CSMD1: variants seen among roughly 807,000 people sequenced by gnomAD.
CSMD1 encodes CUB and sushi domain-containing protein 1.
CSMD1 carries 213 observed loss-of-function variants against 417.5 expected under a neutral mutation model. The ratio of observed to expected loss-of-function variants is 0.51; its 90% CI spans 0.46 to 0.57. The LOEUF is 0.57. Ranked by LOEUF, CSMD1 falls within the 20% of genes least tolerant of loss-of-function variation. The pLI, the probability that CSMD1 is intolerant of heterozygous loss-of-function variation, is 0.00. For synonymous variants in CSMD1, 2,862 were observed against 1,736.8 expected (o/e 1.65, Z -16.11); for missense variants, 6,923 against 4,529.7 (o/e 1.53, Z -15.17).
At chr8:4,923,649 C>A (rs930048240) in intron 1 of CSMD1, among the ~76,000 whole-genome samples, 1 of 152,184 alleles carries the variant, frequency 6.6e-6, no homozygotes, top group African/African-American at 2.4e-5. Flanking sequence ...TTCCTGCACT[C>A]ACATGTTCTC....
intron 3 of CSMD1, among the ~76,000 whole-genome samples, chr8:4,183,630 A>C (rs760007499): frequency 2.0e-5 from 3 of 152,240 alleles, no homozygotes; most frequent in Non-Finnish European, 4.4e-5. Context: ...TGTCAAATTG[A>C]TAAGCACAAT....
At chr8:4,700,767 A>G (rs1297872178) in intron 1 of CSMD1, among the ~76,000 whole-genome samples, 1 of 152,224 alleles carries the variant, frequency 6.6e-6, no homozygotes, top group East Asian at 1.9e-4. Context: ...GCTGCAATAA[A>G]AATGGTTAAC....
chr8:3,585,166 G>C (rs1352768140), intron 9 of CSMD1, among the ~76,000 whole-genome samples: 3 of 152,102 alleles, frequency 2.0e-5, no homozygotes, highest in African/African-American at 7.3e-5. Context: ...ACAGTAAATG[G>C]GGCCAAAGAG....
intron 21 of CSMD1, among the ~76,000 whole-genome samples, chr8:3,352,249 A>G (rs1391006627): frequency 1.3e-5 from 2 of 152,170 alleles, no homozygotes; most frequent in African/African-American, 4.8e-5. Context: ...GGAGCATCAC[A>G]TGAAGGAACT....
chr8:3,723,490 G>A (rs545287986), intron 6 of CSMD1, among the ~76,000 whole-genome samples: 5 of 152,240 alleles, frequency 3.3e-5, no homozygotes, highest in Admixed American at 2.0e-4. Flanking sequence ...ATTCTCTTCA[G>A]ATATTCCGAA....
chr8:3,937,666 G>C (rs567402774), intron 5 of CSMD1, among the ~76,000 whole-genome samples: 2 of 152,224 alleles, frequency 1.3e-5, no homozygotes, highest in South Asian at 2.1e-4. Context: ...CAATATCTCT[G>C]AAGTACGGCT....
intron 5 of CSMD1, among the ~76,000 whole-genome samples, chr8:3,837,415 G>C (rs1222424223): frequency 1.3e-5 from 2 of 152,094 alleles, no homozygotes; most frequent in East Asian, 1.9e-4. Flanking sequence ...GATCTCAAAG[G>C]ACTGCCTACG....
At chr8:3,854,648 C>G (rs995322006) in intron 5 of CSMD1, among the ~76,000 whole-genome samples, 1 of 151,394 alleles carries the variant, frequency 6.6e-6, no homozygotes, top group Non-Finnish European at 1.5e-5. Flanking sequence ...GATATAGAAT[C>G]TGGACAATGT....
At chr8:3,818,595 G>C (rs1057304309) in intron 5 of CSMD1, among the ~76,000 whole-genome samples, 1 of 151,902 alleles carries the variant, frequency 6.6e-6, no homozygotes, top group Non-Finnish European at 1.5e-5. Context: ...AATGAGAAGT[G>C]CTAGAAAAGG....
At chr8:3,645,459 G>C (rs1298096357) in intron 7 of CSMD1, among the ~76,000 whole-genome samples, 1 of 152,172 alleles carries the variant, frequency 6.6e-6, no homozygotes. Context: ...CCTTAAAGCA[G>C]ACATTTACTA....
intron 6 of CSMD1, among the ~76,000 whole-genome samples, chr8:3,734,858 G>A (rs1994048): frequency 0.62 from 94,013 of 152,018 alleles, 30,688 homozygotes; most frequent in Non-Finnish European, 0.72. Flanking sequence ...TTCATCTAAT[G>A]CCGCTGATGC....
chr8:3,508,682 A>G (rs1796937062), intron 10 of CSMD1, among the ~76,000 whole-genome samples: 1 of 152,194 alleles, frequency 6.6e-6, no homozygotes, highest in African/African-American at 2.4e-5. Context: ...CTTATCTATT[A>G]TGGAAAATTT....
chr8:4,566,390 A>C (rs1046381037), intron 2 of CSMD1, among the ~76,000 whole-genome samples: 2 of 151,926 alleles, frequency 1.3e-5, no homozygotes, highest in South Asian at 2.1e-4. Context: ...GTGGTGGCTC[A>C]TGCCTGTAAT....
rs190323792 is a variant in CSMD1 at position 3,381,142 on chromosome 8, C to T, written c.2782+6352G>A. On this transcript the variant is annotated intron_variant, in intron 18 of 69. Coordinates refer to ENST00000635120, the MANE Select transcript of CSMD1 (RefSeq NM_033225.6). The stretch of plus-strand genomic sequence containing the variant: ...TGACTGTGCTATGATGAACAGGGTG[C>T]GTTCACCCATCACCTTACATTCAGA... 1.2e-3 allele frequency among the ~76,000 whole-genome samples: 179 copies of T among 152,108 alleles called. 1 individual carries two copies. The highest frequency in any genetic ancestry group is 3.9e-3 in the African/African-American group (160 of 41,492).
intron 8 of CSMD1, among the ~76,000 whole-genome samples, chr8:3,590,595 C>T (rs971165766): frequency 6.6e-6 from 1 of 152,106 alleles, no homozygotes; most frequent in Non-Finnish European, 1.5e-5. Flanking sequence ...TCCATAATTA[C>T]GATCATGAAA....
At chr8:3,279,627 A>C (rs1409515151) in intron 26 of CSMD1, among the ~76,000 whole-genome samples, 1 of 152,198 alleles carries the variant, frequency 6.6e-6, no homozygotes, top group Non-Finnish European at 1.5e-5. Flanking sequence ...TAATAAAAAC[A>C]TACCTGAGAC....
intron 3 of CSMD1, among the ~76,000 whole-genome samples, chr8:4,052,803 A>G (rs1472772467): frequency 6.6e-6 from 1 of 152,142 alleles, no homozygotes; most frequent in Non-Finnish European, 1.5e-5. Flanking sequence ...ACTTCCAGAT[A>G]CTCTAACTGT....
chr8:3,194,454 TATTTTATTTC>T (rs1233587553), intron 33 of CSMD1, among the ~76,000 whole-genome samples: 12 of 120,242 alleles, frequency 1.0e-4, no homozygotes, highest in African/African-American at 3.4e-4. Context: ...TATTTTATTT[TATTTTATTTC>T]ATTTCATTTT....
At chr8:4,065,282 T>C (rs1031527684) in intron 3 of CSMD1, among the ~76,000 whole-genome samples, 4 of 152,200 alleles carry the variant, frequency 2.6e-5, no homozygotes, top group African/African-American at 4.8e-5. Context: ...TGTTGGGCAG[T>C]GCTTCCCCAT....
Sources: allele counts gnomAD v4.1 joint callset (sites outside exome capture counted in the v4.1 genomes callset), GRCh38; gene constraint gnomAD v4.1.1; transcripts MANE v1.5; gene names NCBI Gene and HGNC (gene_info 2026-07-23, HGNC 2026-07-21).